Variants in DSCAM observed in about 807,000 individuals in gnomAD.
DSCAM encodes DS cell adhesion molecule, also known as cell adhesion molecule DSCAM.
DSCAM carries 47 observed loss-of-function variants against 217.7 expected under a neutral mutation model. The ratio of observed to expected loss-of-function variants is 0.22; its 90% CI spans 0.17 to 0.28. DSCAM has a LOEUF of 0.28. Ranked by LOEUF, DSCAM falls within the 10% of genes least tolerant of loss-of-function variation. The pLI is 1.00. For missense variants in DSCAM, 2,080 were observed against 2,618.3 expected (o/e 0.79, Z 4.49); for synonymous variants, 1,056 against 1,015.3 (o/e 1.04, Z -0.76).
intron 3 of DSCAM, among the ~76,000 whole-genome samples, chr21:40,548,357 T>C (rs1199946635): frequency 3.9e-5 from 6 of 152,198 alleles, no homozygotes; most frequent in Non-Finnish European, 7.4e-5. Context: ...GGTACTGATC[T>C]TTAAGTAAGT....
Position 40,144,363 on chromosome 21 carries a change from G to T in DSCAM, c.3259+128C>A. 2 of 1,436,024 alleles carry T rather than the reference G, an allele frequency of 1.4e-6. No individual in the cohort carries two copies. The highest frequency in any genetic ancestry group is 1.9e-6 in the Non-Finnish European group (2 of 1,061,510). 89.0% of individuals were successfully genotyped at this position (1,436,024 alleles called of 1,614,324 possible). A position where few individuals can be genotyped will look rare whatever the true frequency, so the allele number is the denominator to read the frequency against. On this transcript the variant is annotated intron_variant, in intron 17 of 32. Transcript: ENST00000400454. This position sits in a 1 kb window ranked among gnomAD's most constrained non-coding sequence, Gnocchi z 4.8. ...CACGAGGGAAGGCTTTTCCACCCGA[G>T]ACCCCAGGCCCTGCAGGTCACTGCA...
intron 28 of DSCAM, among the ~76,000 whole-genome samples, chr21:40,057,131 A>T (rs2089038123): frequency 6.6e-6 from 1 of 152,214 alleles, no homozygotes; most frequent in African/African-American, 2.4e-5. Flanking sequence ...CCTACTTAGG[A>T]CTTGATCTTG....
intron 3 of DSCAM, among the ~76,000 whole-genome samples, chr21:40,442,656 A>T (rs2205078): frequency 1.3e-5 from 2 of 151,198 alleles, no homozygotes; most frequent in African/African-American, 2.4e-5. Flanking sequence ...AATAGCTGGG[A>T]GCACACCATC....
intron 11 of DSCAM, among the ~76,000 whole-genome samples, chr21:40,257,560 T>C (rs1184138944): frequency 1.3e-5 from 2 of 151,936 alleles, no homozygotes; most frequent in African/African-American, 4.8e-5. Flanking sequence ...TCATAATGCA[T>C]CATCCTTAGC....
intron 16 of DSCAM, among the ~76,000 whole-genome samples, chr21:40,151,753 G>T (rs2090425046): frequency 6.6e-6 from 1 of 152,306 alleles, no homozygotes; most frequent in African/African-American, 2.4e-5. Flanking sequence ...GAACTCAGCA[G>T]TCTAGTGTGA....
chr21:40,453,891 T>C (rs2075742306), intron 3 of DSCAM, among the ~76,000 whole-genome samples: 1 of 152,144 alleles, frequency 6.6e-6, no homozygotes, highest in South Asian at 2.1e-4. Context: ...AAGGCATCCA[T>C]TGTGTGTAAG....
chr21:40,478,717 A>G (rs1435772940), intron 3 of DSCAM, among the ~76,000 whole-genome samples: 1 of 152,208 alleles, frequency 6.6e-6, no homozygotes, highest in Non-Finnish European at 1.5e-5. Context: ...AATGACTGCA[A>G]CAAAATAACA....
At chr21:40,558,565 C>A (rs2076691435) in intron 3 of DSCAM, among the ~76,000 whole-genome samples, 1 of 152,114 alleles carries the variant, frequency 6.6e-6, no homozygotes, top group Admixed American at 6.5e-5. Flanking sequence ...ACAGAGCAGT[C>A]TGCAAACGGA....
chr21:40,716,321 C>A (rs549525639), intron 1 of DSCAM, among the ~76,000 whole-genome samples: 2 of 152,288 alleles, frequency 1.3e-5, no homozygotes, highest in East Asian at 3.9e-4. Context: ...GCCTCCTGCT[C>A]TTTAATACAG....
At chr21:40,256,231 C>T (rs577960425) in intron 11 of DSCAM, among the ~76,000 whole-genome samples, 11 of 152,196 alleles carry the variant, frequency 7.2e-5, no homozygotes, top group African/African-American at 2.2e-4. Flanking sequence ...AATATGCACA[C>T]GTTAATATGT....
chr21:40,460,766 A>C (rs2075799594), intron 3 of DSCAM, among the ~76,000 whole-genome samples: 1 of 152,208 alleles, frequency 6.6e-6, no homozygotes, highest in African/African-American at 2.4e-5. Context: ...TGTTATTCTC[A>C]ACTGTCAGAA....
chr21:40,804,915 C>A (rs548802225), intron 1 of DSCAM, among the ~76,000 whole-genome samples: 1 of 152,284 alleles, frequency 6.6e-6, no homozygotes, highest in Non-Finnish European at 1.5e-5. Context: ...TCAAGCTGAC[C>A]ATGATCACAC....
intron 3 of DSCAM, among the ~76,000 whole-genome samples, chr21:40,395,867 T>C (rs562673687): frequency 3.9e-5 from 6 of 152,334 alleles, no homozygotes; most frequent in Admixed American, 3.3e-4. Flanking sequence ...GATCATTTAT[T>C]TGCCAAGCCT....
At chr21:40,109,673 G>C (rs2089869486) in intron 20 of DSCAM, among the ~76,000 whole-genome samples, 1 of 152,230 alleles carries the variant, frequency 6.6e-6, no homozygotes, top group Non-Finnish European at 1.5e-5. Flanking sequence ...CCTAGTTAAA[G>C]AAAGGGGTGA....
In DSCAM at chr21:40,480,350, T is replaced by C. The variant is rs909230223; in HGVS notation, c.509-111105A>G. 3.9e-5 allele frequency among the ~76,000 whole-genome samples: 6 copies of C among 152,018 alleles called. No individual in the cohort carries two copies. The South Asian group carries it at 1.2e-3, about 32-fold the overall frequency. On this transcript the variant is annotated intron_variant, in intron 3 of 32. Coordinates refer to ENST00000400454, the MANE Select transcript of DSCAM (RefSeq NM_001389.5). ...AAAGCCTTTTAGGGAAGAGAGAGTA[T>C]TGCTCTTTCCCTCCTGGTATTCTTC...
At chr21:40,499,927 C>A (rs1419729685) in intron 3 of DSCAM, among the ~76,000 whole-genome samples, 1 of 152,078 alleles carries the variant, frequency 6.6e-6, no homozygotes, top group African/African-American at 2.4e-5. Flanking sequence ...ACTACAGACA[C>A]CCACCACCAC....
Position 40,491,665 on chromosome 21 carries a change from C to T in DSCAM, c.509-122420G>A, listed in dbSNP as rs568466909. Among the ~76,000 whole-genome samples, 3 of 152,308 alleles carry T rather than the reference C, an allele frequency of 2.0e-5. No homozygotes were observed. In the South Asian group the frequency reaches 6.2e-4, roughly 32 times the overall value. On this transcript the variant is annotated intron_variant, in intron 3 of 32. Transcript: ENST00000400454. ...ACACCCCCACACCCAATTCATTCAA[C>T]CCAGGCACACTGGCCTTTGTGCTGT...
Position 40,081,267 on chromosome 21 carries a change from C to T in DSCAM, c.4232-927G>A, listed in dbSNP as rs73906401. Reference sequence around the variant, plus strand: ...CTGGAACATGGTGTGTTTGCAACAACGGGTTGGTACCTTCTATTCCTGTCC... The same window carrying T: ...CTGGAACATGGTGTGTTTGCAACAATGGGTTGGTACCTTCTATTCCTGTCC... On this transcript the variant is annotated intron_variant, in intron 24 of 32. Transcript: ENST00000400454. Among the ~76,000 whole-genome samples, 1,476 of 152,242 alleles carry T rather than the reference C, an allele frequency of 9.7e-3. 22 individuals are homozygous for T. Among genetic ancestry groups the T allele is most frequent in the African/African-American group, 0.034 (1,419 of 41,538 alleles).
rs141161104 is a variant in DSCAM, at chr21:40,438,791, G to C, written c.509-69546C>G. Among the ~76,000 whole-genome samples the C allele has an allele frequency of 2.9e-3, 438 of 152,272 alleles. 5 individuals are homozygous for C. Among genetic ancestry groups the C allele is most frequent in the African/African-American group, 9.4e-3 (389 of 41,552 alleles). On this transcript the variant is annotated intron_variant, in intron 3 of 32. Transcript: ENST00000400454. ...GACCTTTCATCTCTCACGAGGCACT[G>C]TAACATACATGCTGAGAGCTTGGTT...
Sources: allele counts gnomAD v4.1 joint callset (sites outside exome capture counted in the v4.1 genomes callset), GRCh38; gene constraint gnomAD v4.1.1; non-coding constraint Gnocchi (gnomAD v3.1); transcripts MANE v1.5; gene names NCBI Gene and HGNC (gene_info 2026-07-23, HGNC 2026-07-21).